Variants in FBN1 observed in about 807,000 individuals in gnomAD.
FBN1 encodes fibrillin 1, also known as fibrillin-1.
In FBN1, 29 loss-of-function variants were observed where a neutral mutation model predicts 365.1. That is an observed-to-expected ratio of 0.08 (90% CI 0.06 to 0.11). The LOEUF is 0.11. Ranked by LOEUF, FBN1 falls within the 10% of genes least tolerant of loss-of-function variation. The pLI is 1.00. For synonymous variants in FBN1, 1,210 were observed against 1,270.5 expected (o/e 0.95, Z 1.01); for missense variants, 2,476 against 3,703.2 (o/e 0.67, Z 8.60).
intron 9 of FBN1, among the ~76,000 whole-genome samples, chr15:48,521,694 C>A (rs902823614): frequency 6.6e-6 from 1 of 152,172 alleles, no homozygotes; most frequent in African/African-American, 2.4e-5. Context: ...TGAGATATTA[C>A]CACGAAACAG....
intron 15 of FBN1, among the ~76,000 whole-genome samples, chr15:48,506,217 A>G (rs1371349165): frequency 1.3e-5 from 2 of 152,150 alleles, no homozygotes; most frequent in African/African-American, 4.8e-5. Flanking sequence ...ACAGAGTGAG[A>G]CTGTGTCTTA....
intron 50 of FBN1, among the ~76,000 whole-genome samples, chr15:48,440,302 C>T (rs1187552800): frequency 6.6e-6 from 1 of 152,200 alleles, no homozygotes; most frequent in African/African-American, 2.4e-5. Context: ...GGGCTGCTCA[C>T]AGCTGGGCTG....
At chr15:48,474,122 A>G (rs2141279507) in intron 34 of FBN1, 133 bp downstream of exon 34, 2 of 1,368,170 alleles carry the variant, frequency 1.5e-6, no homozygotes, top group Middle Eastern at 3.6e-4. Flanking sequence ...TTTCCCACAG[A>G]GCTCTAGTGC....
intron 4 of FBN1, 82 bp from the exon 5 acceptor site, chr15:48,600,316 T>C: frequency 9.9e-7 from 1 of 1,006,118 alleles, no homozygotes; most frequent in Non-Finnish European, 1.6e-6. Flanking sequence ...TTTGTAGTTA[T>C]TTGAAGAGAA....
chr15:48,570,777 C>T (rs961161876), intron 6 of FBN1, among the ~76,000 whole-genome samples: 18 of 152,172 alleles, frequency 1.2e-4, no homozygotes, highest in African/African-American at 4.3e-4. Flanking sequence ...GAAAGCCTTT[C>T]AGTCAGCTAA....
At chr15:48,506,377 T>C (rs2043707987) in intron 15 of FBN1, among the ~76,000 whole-genome samples, 1 of 152,268 alleles carries the variant, frequency 6.6e-6, no homozygotes, top group South Asian at 2.1e-4. Context: ...CTTGTGTTGT[T>C]TGGCACAAAA....
intron 15 of FBN1, 149 bp downstream of exon 15, chr15:48,508,433 T>C (rs1249566108): frequency 1.1e-5 from 10 of 915,824 alleles, no homozygotes; most frequent in Admixed American, 2.0e-5. Context: ...GATGGCTGGA[T>C]TTAAGAAGGA....
At chr15:48,527,950 C>A (rs940522993) in intron 8 of FBN1, among the ~76,000 whole-genome samples, 2 of 152,208 alleles carry the variant, frequency 1.3e-5, no homozygotes, top group African/African-American at 4.8e-5. Flanking sequence ...TATCTCAAGG[C>A]AGCCACACTT....
chr15:48,619,650 C>T (rs746900572), intron 2 of FBN1, among the ~76,000 whole-genome samples: 3 of 152,068 alleles, frequency 2.0e-5, no homozygotes, highest in South Asian at 2.1e-4. Context: ...GGTCCACAAC[C>T]GGATACATCA....
At chr15:48,436,317 C>G (rs1223901780) in intron 53 of FBN1, among the ~76,000 whole-genome samples, 14 of 152,132 alleles carry the variant, frequency 9.2e-5, no homozygotes, top group Admixed American at 9.2e-4. Flanking sequence ...TCTTCATAAC[C>G]TGATTTCTTG....
At chr15:48,513,011 T>G (rs542013888) in intron 13 of FBN1, among the ~76,000 whole-genome samples, 1 of 152,328 alleles carries the variant, frequency 6.6e-6, no homozygotes, top group Admixed American at 6.5e-5. Flanking sequence ...CTTCTCAAAC[T>G]TCAATGTACA....
At position 48,510,152 on chromosome 15, in the gene FBN1, G is replaced by T. The variant is rs1479709398; in HGVS notation, c.1606C>A (p.Gln536Lys). 6.2e-7 allele frequency: 1 copy of T among 1,613,274 alleles called. No individual in the cohort carries two copies. Among genetic ancestry groups the T allele is most frequent in the South Asian group, 1.1e-5 (1 of 91,060 alleles). The change falls in exon 14 of 66, where the codon CAG becomes AAG. Residue 536 changes from glutamine (Q) to lysine (K), a missense_variant. Gln to Lys is a moderately conservative substitution (Grantham distance 53). Coordinates refer to ENST00000316623, the MANE Select transcript of FBN1 (RefSeq NM_000138.5). ...TECRDIDECLQNGRICNNGRC... is the reference protein window; with the variant it reads ...TECRDIDECLKNGRICNNGRC... Reference sequence around the variant, plus strand: ...CCATTATTGCAGATCCGGCCATTCTGTAAACACTCATCAATGTCTAAAATC... The same window carrying T: ...CCATTATTGCAGATCCGGCCATTCTTTAAACACTCATCAATGTCTAAAATC...
chr15:48,465,419 C>T (rs939411366), intron 40 of FBN1, 149 bp downstream of exon 40: 2 of 836,000 alleles, frequency 2.4e-6, no homozygotes, highest in Middle Eastern at 2.9e-4. Flanking sequence ...GTCCAAATTG[C>T]CACATGTGAG....
intron 64 of FBN1, among the ~76,000 whole-genome samples, chr15:48,414,663 A>G (rs1187010753): frequency 1.3e-5 from 2 of 152,194 alleles, no homozygotes; most frequent in East Asian, 3.9e-4. Flanking sequence ...TTGGGAGGTC[A>G]AGACGGGCAG....
chr15:48,478,909 A>G (rs2043445798), intron 32 of FBN1, among the ~76,000 whole-genome samples: 1 of 152,220 alleles, frequency 6.6e-6, no homozygotes, highest in South Asian at 2.1e-4. Context: ...TATTTAGACA[A>G]AACTGTAATG....
Position 48,644,432 on chromosome 15 carries a change from AG to A in FBN1, c.164+173del. ...CTTTGGGGCAGAAATCTCTGGGAGTAGGGGCAAGGTAGTTTAACCACGAACG... is the reference window on the plus strand; with the variant it reads ...CTTTGGGGCAGAAATCTCTGGGAGTAGGGCAAGGTAGTTTAACCACGAACG... On this transcript the variant is annotated intron_variant, in intron 2 of 65. Coordinates refer to ENST00000316623, the MANE Select transcript of FBN1 (RefSeq NM_000138.5). 4 of 808,796 alleles carry A rather than the reference AG, an allele frequency of 4.9e-6. No individual in the cohort carries two copies. The Admixed American group carries it at 6.5e-5, about 13-fold the overall frequency. The allele number at this position is 808,796 out of a possible 1,614,324, so 50.1% of individuals were successfully genotyped here.
At chr15:48,569,245 G>A (rs997618815) in intron 6 of FBN1, among the ~76,000 whole-genome samples, 1 of 151,884 alleles carries the variant, frequency 6.6e-6, no homozygotes, top group African/African-American at 2.4e-5. Flanking sequence ...TAATCATTAG[G>A]AAAATAAAAA....
intron 46 of FBN1, among the ~76,000 whole-genome samples, chr15:48,447,254 CT>C (rs1193459767): frequency 1.3e-5 from 2 of 152,142 alleles, no homozygotes; most frequent in Non-Finnish European, 2.9e-5. Context: ...AGTGACTCAC[CT>C]GGCATTACCC....
intron 6 of FBN1, among the ~76,000 whole-genome samples, chr15:48,561,572 C>A (rs1014438397): frequency 6.6e-6 from 1 of 152,112 alleles, no homozygotes; most frequent in African/African-American, 2.4e-5. Context: ...TACTAAATAT[C>A]AATTCAAGCT....
Sources: gnomAD v4.1 joint callset for allele counts (sites outside exome capture counted in the v4.1 genomes callset) on GRCh38, gnomAD v4.1.1 for gene constraint, MANE v1.5 for transcripts, NCBI Gene and HGNC (gene_info 2026-07-23, HGNC 2026-07-21) for gene names.